Variants in STYXL1 observed in about 807,000 individuals in gnomAD.
STYXL1 encodes serine/threonine/tyrosine-interacting-like protein 1.
STYXL1 carries 32 observed loss-of-function variants against 36.4 expected under a neutral mutation model. That is an observed-to-expected ratio of 0.88 (90% CI 0.66 to 1.18). The LOEUF is 1.18. STYXL1 is among the 50% of genes most tolerant of loss of function. The pLI, the probability that STYXL1 is intolerant of heterozygous loss-of-function variation, is 0.00. For missense variants in STYXL1, 354 were observed against 394.1 expected, an observed-to-expected ratio of 0.90 and a Z score of 0.86; for synonymous variants, 133 against 144.1, an observed-to-expected ratio of 0.92 and a Z score of 0.55.
intron 3 of STYXL1, among the ~76,000 whole-genome samples, chr7:76,022,799 T>C (rs1239615070): frequency 6.6e-6 from 1 of 151,816 alleles, no homozygotes; most frequent in Non-Finnish European, 1.5e-5. Flanking sequence ...TGGTGGCTCA[T>C]GCCTATAATC....
intron 2 of STYXL1, among the ~76,000 whole-genome samples, chr7:76,029,608 T>C (rs575106334): frequency 6.6e-6 from 1 of 152,170 alleles, no homozygotes; most frequent in African/African-American, 2.4e-5. Context: ...CTATTATTAT[T>C]ACATTGTAAT....
rs1554572932 is a variant in STYXL1, at chr7:76,013,726, C to T, written c.453+16G>A. ...CTTCCCGTCTGGGCCTGCCTGTGCT[C>T]AGCATTTGGCCCTACCTGAGGCATC... is the stretch of plus-strand genomic sequence containing the variant. On this transcript the variant is annotated intron_variant, in intron 5 of 8. Coordinates refer to ENST00000359697, the MANE Select transcript of STYXL1 (RefSeq NM_001317785.2). 6.2e-7 allele frequency: 1 copy of T among 1,613,848 alleles called. No homozygotes were observed. The highest frequency in any genetic ancestry group is 1.7e-5 in the Admixed American group (1 of 59,990).
In STYXL1 at chr7:76,047,736, T is replaced by G; in HGVS notation, c.-79A>C. On this transcript the variant is annotated 5_prime_UTR_variant, in exon 1 of 9. Transcript: ENST00000359697. ...GTTTGGCTGAGGTCGGGGGCTCGGGTCTGGGACGCGCTCCACCTCCCCGGC... is the reference window on the plus strand; with the variant it reads ...GTTTGGCTGAGGTCGGGGGCTCGGGGCTGGGACGCGCTCCACCTCCCCGGC... The G allele has an allele frequency of 6.8e-6, 2 of 294,128 alleles. No homozygotes were observed. Among genetic ancestry groups the G allele is most frequent in the East Asian group, 1.3e-4 (1 of 7,800 alleles). 18.2% of individuals were successfully genotyped at this position (294,128 alleles called of 1,614,324 possible). A position where few individuals can be genotyped will look rare whatever the true frequency, so the allele number is the denominator to read the frequency against.
In STYXL1 at chr7:76,037,371, C is replaced by T. The variant is rs1031350869; in HGVS notation, c.-4-6844G>A. On this transcript the variant is annotated intron_variant, in intron 1 of 8. Transcript: ENST00000359697. ...TAGTCTGGCCTTCAAACCAGGGGTT[C>T]GTGGGTGGCTCTCTCCCCAAGTCAG... Among the ~76,000 whole-genome samples, 14 of 150,294 alleles carry T rather than the reference C, an allele frequency of 9.3e-5. 1 individual carries two copies. The highest frequency in any genetic ancestry group is 1.6e-4 in the Non-Finnish European group (11 of 67,204).
At chr7:76,033,716 T>C (rs1340213150) in intron 1 of STYXL1, among the ~76,000 whole-genome samples, 2 of 152,170 alleles carry the variant, frequency 1.3e-5, no homozygotes, top group African/African-American at 2.4e-5. Flanking sequence ...CCTGTTGACA[T>C]GCAAACATCC....
chr7:76,042,668 A>G (rs1796594521), intron 1 of STYXL1, among the ~76,000 whole-genome samples: 1 of 151,450 alleles, frequency 6.6e-6, no homozygotes. Flanking sequence ...CGGCCTCCCA[A>G]AGTGCTGGGG....
At chr7:76,006,114 AG>A (rs1324048691) in intron 5 of STYXL1, among the ~76,000 whole-genome samples, 10 of 152,020 alleles carry the variant, frequency 6.6e-5, no homozygotes, top group Admixed American at 6.6e-4. Context: ...TCTGTCACCC[AG>A]GCTGGAGTGC....
chr7:75,999,483 T>G (rs1344089914), intron 8 of STYXL1, among the ~76,000 whole-genome samples: 1 of 139,856 alleles, frequency 7.2e-6, no homozygotes, highest in East Asian at 2.0e-4. Context: ...AAGATGGTAA[T>G]TTTTTTGTTG....
At chr7:76,025,176 T>C (rs534106460) in intron 3 of STYXL1, among the ~76,000 whole-genome samples, 87 of 150,798 alleles carry the variant, frequency 5.8e-4, no homozygotes, top group African/African-American at 1.9e-3. Flanking sequence ...AGCCTTTCTG[T>C]CCTGCTAGGG....
chr7:76,046,596 C>T (rs1162593802), intron 1 of STYXL1, among the ~76,000 whole-genome samples: 1 of 151,376 alleles, frequency 6.6e-6, no homozygotes, highest in Non-Finnish European at 1.5e-5. Flanking sequence ...ATCTGCCCGC[C>T]TTGACCTCCC....
chr7:76,046,965 T>A (rs1797194948), intron 1 of STYXL1, among the ~76,000 whole-genome samples: 1 of 150,974 alleles, frequency 6.6e-6, no homozygotes, highest in Non-Finnish European at 1.5e-5. Flanking sequence ...TGTTTAATTT[T>A]AAAAATATGT....
At chr7:76,022,136 G>A (rs1478966377) in intron 3 of STYXL1, 144 bp from the exon 4 acceptor site, 5 of 1,445,110 alleles carry the variant, frequency 3.5e-6, no homozygotes, top group Non-Finnish European at 4.5e-6. Context: ...GAAGCACTGA[G>A]ACAGTGGATG....
chr7:76,046,277 TGTGTGTG>T lies in STYXL1; in HGVS notation c.-5+1378_-5+1384del, dbSNP rs1563534322. Among the ~76,000 whole-genome samples the T allele has an allele frequency of 3.2e-3, 57 of 17,952 alleles. 2 individuals carry two copies. The highest frequency in any genetic ancestry group is 4.8e-3 in the East Asian group (3 of 624). The allele number at this position is 17,952 out of a possible 152,430, so 11.8% of individuals were successfully genotyped here. The stretch of plus-strand genomic sequence containing the variant: ...CCAGCATGTCTCAGCTTATCTGCTG[TGTGTGTG>T]TGTGTGTGTGTGTGTGTGTGTGTGT... On this transcript the variant is annotated intron_variant, in intron 1 of 8. Coordinates refer to ENST00000359697, the MANE Select transcript of STYXL1 (RefSeq NM_001317785.2).
chr7:76,013,726 C>CAGGT lies in STYXL1; in HGVS notation c.453+15_453+16insACCT, dbSNP rs1306258795. 10 of 1,613,730 alleles carry CAGGT rather than the reference C, an allele frequency of 6.2e-6. No homozygotes were observed. The highest frequency in any genetic ancestry group is 8.5e-6 in the Non-Finnish European group (10 of 1,179,880). On this transcript the variant is annotated intron_variant, in intron 5 of 8. Transcript: ENST00000359697. ...CTTCCCGTCTGGGCCTGCCTGTGCTCAGCATTTGGCCCTACCTGAGGCATC... is the reference window on the plus strand; with the variant it reads ...CTTCCCGTCTGGGCCTGCCTGTGCTCAGGTAGCATTTGGCCCTACCTGAGGCATC...
chr7:76,042,142 A>C (rs1796527451), intron 1 of STYXL1, among the ~76,000 whole-genome samples: 1 of 152,070 alleles, frequency 6.6e-6, no homozygotes, highest in African/African-American at 2.4e-5. Context: ...GCTGTAGAAA[A>C]CTATGTGGAC....
At chr7:76,037,922 T>C (rs1310935207) in intron 1 of STYXL1, among the ~76,000 whole-genome samples, 1 of 150,096 alleles carries the variant, frequency 6.7e-6, no homozygotes, top group Non-Finnish European at 1.5e-5. Flanking sequence ...GGCTTAAACA[T>C]AGTGACAGGC....
At chr7:76,020,955 A>G (rs1793982451) in intron 4 of STYXL1, among the ~76,000 whole-genome samples, 1 of 152,184 alleles carries the variant, frequency 6.6e-6, no homozygotes, top group African/African-American at 2.4e-5. Flanking sequence ...GAACAAATGA[A>G]AATAAAGCAA....
chr7:76,004,754 C>A lies in STYXL1; in HGVS notation c.599+505G>T, dbSNP rs1791442858. ...CGGTGGCTCATGCCTGTAATCCCAG[C>A]ACTTTGGGAGGCCAAGGCGGGATGA... On this transcript the variant is annotated intron_variant, in intron 6 of 8. Coordinates refer to ENST00000359697, the MANE Select transcript of STYXL1 (RefSeq NM_001317785.2). Among the ~76,000 whole-genome samples, 3 of 151,478 alleles carry A rather than the reference C, an allele frequency of 2.0e-5. 1 individual carries two copies. The South Asian group carries it at 6.2e-4, about 32-fold the overall frequency.
intron 4 of STYXL1, among the ~76,000 whole-genome samples, chr7:76,016,483 G>GTA (rs1284187434): frequency 4.7e-5 from 7 of 149,766 alleles, no homozygotes; most frequent in Admixed American, 1.3e-4. Context: ...ATATATACAC[G>GTA]TATATATATA....
Sources: allele counts gnomAD v4.1 joint callset (sites outside exome capture counted in the v4.1 genomes callset), GRCh38; gene constraint gnomAD v4.1.1; transcripts MANE v1.5; gene names NCBI Gene and HGNC (gene_info 2026-07-23, HGNC 2026-07-21).